ITGBL1: variants seen among roughly 807,000 people sequenced by gnomAD.
The protein encoded by ITGBL1 is integrin subunit beta like 1, also known as integrin beta-like protein 1.
Under a neutral mutation model 68.5 loss-of-function variants are expected in ITGBL1, and 51 were observed. The observed-to-expected ratio is 0.74, with a 90% CI of 0.59 to 0.94. The LOEUF is 0.94. ITGBL1 is among the 40% of genes least tolerant of loss of function. The pLI is 0.00. For missense variants in ITGBL1, 649 were observed against 647.4 expected (o/e 1.00, Z -0.03); for synonymous variants, 209 against 227.3 (o/e 0.92, Z 0.72).
chr13:101,647,142 A>T (rs982701153), intron 7 of ITGBL1, among the ~76,000 whole-genome samples: 23 of 152,324 alleles, frequency 1.5e-4, no homozygotes, highest in African/African-American at 5.3e-4. Context: ...ACTGAAATAT[A>T]TGAAGTCAAT....
chr13:101,471,821 C>T (rs774387120), intron 2 of ITGBL1, among the ~76,000 whole-genome samples: 1 of 151,970 alleles, frequency 6.6e-6, no homozygotes, highest in African/African-American at 2.4e-5. Context: ...GCCACAGGCC[C>T]AAGCCAGATA....
At chr13:101,688,713 A>G (rs140877746) in intron 7 of ITGBL1, among the ~76,000 whole-genome samples, 387 of 152,360 alleles carry the variant, frequency 2.5e-3, no homozygotes, top group African/African-American at 8.8e-3. Context: ...GTCGTGGGAC[A>G]TATTTAATTG....
chr13:101,542,458 G>A (rs1386011047), intron 2 of ITGBL1, among the ~76,000 whole-genome samples: 2 of 152,164 alleles, frequency 1.3e-5, no homozygotes, highest in Non-Finnish European at 2.9e-5. Context: ...CATTTGCTGA[G>A]GAGTGCTTTA....
Position 101,598,318 on chromosome 13 carries a change from G to A in ITGBL1, c.1015+19G>A, listed in dbSNP as rs1158221466. 1.9e-6 allele frequency: 3 copies of A among 1,562,000 alleles called. No individual in the cohort carries two copies. The highest frequency in any genetic ancestry group is 2.7e-5 in the African/African-American group (2 of 73,228). Reference sequence around the variant, plus strand: ...GGGAGGGGTAAGTGAGGTCTCTCAGGGCTTCCCACGGCCTCTCCATCACAA... The same window carrying A: ...GGGAGGGGTAAGTGAGGTCTCTCAGAGCTTCCCACGGCCTCTCCATCACAA... On this transcript the variant is annotated intron_variant, in intron 7 of 10. Coordinates refer to ENST00000376180, the MANE Select transcript of ITGBL1 (RefSeq NM_004791.3).
intron 7 of ITGBL1, among the ~76,000 whole-genome samples, chr13:101,600,472 A>G (rs55670907): frequency 0.02 from 2,984 of 152,234 alleles, 37 homozygotes; most frequent in Non-Finnish European, 0.029. Flanking sequence ...TTCCAACACT[A>G]TGTTGAATAG....
intron 7 of ITGBL1, among the ~76,000 whole-genome samples, chr13:101,681,719 T>G (rs899824451): frequency 3.6e-4 from 55 of 151,976 alleles, no homozygotes; most frequent in African/African-American, 1.3e-3. Flanking sequence ...TGGTTGAGAT[T>G]ATGAAAAAAG....
chr13:101,465,003 A>T (rs1815455467), intron 2 of ITGBL1, among the ~76,000 whole-genome samples: 1 of 152,200 alleles, frequency 6.6e-6, no homozygotes, highest in Non-Finnish European at 1.5e-5. Context: ...TATCTGTTTA[A>T]TGAATGCCAT....
At chr13:101,487,418 AAGTT>A (rs1414123842) in intron 2 of ITGBL1, among the ~76,000 whole-genome samples, 2 of 152,354 alleles carry the variant, frequency 1.3e-5, no homozygotes, top group East Asian at 1.9e-4. Flanking sequence ...TAAAAAAAGA[AAGTT>A]AGGATTCAAA....
chr13:101,648,172 C>A (rs2032625523), intron 7 of ITGBL1, among the ~76,000 whole-genome samples: 1 of 152,144 alleles, frequency 6.6e-6, no homozygotes, highest in East Asian at 1.9e-4. Flanking sequence ...CAGTGTCCTA[C>A]ATTCAATAAA....
intron 7 of ITGBL1, among the ~76,000 whole-genome samples, chr13:101,643,983 G>C (rs560944090): frequency 6.6e-6 from 1 of 152,090 alleles, no homozygotes; most frequent in South Asian, 2.1e-4. Flanking sequence ...TTCAAACTTA[G>C]AGCCAACATC....
intron 6 of ITGBL1, among the ~76,000 whole-genome samples, chr13:101,592,049 G>T (rs1329891076): frequency 2.0e-5 from 3 of 152,120 alleles, no homozygotes; most frequent in African/African-American, 4.8e-5. Flanking sequence ...CTGAAACTCA[G>T]ATGTGGTCAT....
chr13:101,627,735 G>A (rs1216218282), intron 7 of ITGBL1, among the ~76,000 whole-genome samples: 2 of 152,052 alleles, frequency 1.3e-5, no homozygotes, highest in Non-Finnish European at 1.5e-5. Context: ...TTTCACTTAC[G>A]AATATGCACT....
At chr13:101,627,649 C>G (rs9585738) in intron 7 of ITGBL1, among the ~76,000 whole-genome samples, 1 of 151,932 alleles carries the variant, frequency 6.6e-6, no homozygotes, top group Admixed American at 6.6e-5. Flanking sequence ...CTGGCAAGCA[C>G]GGATCTTTTT....
chr13:101,609,154 A>G (rs555647875), intron 7 of ITGBL1, among the ~76,000 whole-genome samples: 1 of 152,176 alleles, frequency 6.6e-6, no homozygotes, highest in East Asian at 1.9e-4. Flanking sequence ...TGCTTTCTTT[A>G]TACTCATTAT....
At chr13:101,596,158 C>T (rs2029953779) in intron 6 of ITGBL1, among the ~76,000 whole-genome samples, 1 of 152,040 alleles carries the variant, frequency 6.6e-6, no homozygotes, top group African/African-American at 2.4e-5. Flanking sequence ...ACCTGGAGGA[C>T]ATTCTGCTAA....
intron 7 of ITGBL1, among the ~76,000 whole-genome samples, chr13:101,637,087 C>T (rs2032194703): frequency 6.6e-6 from 1 of 151,904 alleles, no homozygotes; most frequent in African/African-American, 2.4e-5. Flanking sequence ...TGCGTATCAC[C>T]AAAAATAACA....
Position 101,641,035 on chromosome 13 carries a change from T to C in ITGBL1, c.1015+42736T>C, listed in dbSNP as rs986850463. On this transcript the variant is annotated intron_variant, in intron 7 of 10. Transcript: ENST00000376180. ...GGTTTTGAAATCTGCACTGCAGAAC[T>C]TCATGGGTCTTTTTTTATGCCTATG... Among the ~76,000 whole-genome samples the C allele has an allele frequency of 2.0e-5, 3 of 152,240 alleles. No homozygotes were observed. In the South Asian group the frequency reaches 6.2e-4, roughly 31 times the overall value.
chr13:101,625,893 G>C (rs2031757063), intron 7 of ITGBL1, among the ~76,000 whole-genome samples: 1 of 152,128 alleles, frequency 6.6e-6, no homozygotes, highest in African/African-American at 2.4e-5. Context: ...TGATGCGTTA[G>C]ACACTGTTCT....
In ITGBL1 at chr13:101,528,962, A is replaced by G. The variant is rs533983934; in HGVS notation, c.317-38737A>G. Among the ~76,000 whole-genome samples the G allele has an allele frequency of 2.6e-5, 4 of 152,198 alleles. No individual in the cohort carries two copies. The South Asian group carries it at 6.2e-4, about 24-fold the overall frequency. On this transcript the variant is annotated intron_variant, in intron 2 of 10. Coordinates refer to ENST00000376180, the MANE Select transcript of ITGBL1 (RefSeq NM_004791.3). ...TTTCAAAACTAGCTAAATGACATTAAGAATATAATGCAAAACATGGAATAA... is the reference window on the plus strand; with the variant it reads ...TTTCAAAACTAGCTAAATGACATTAGGAATATAATGCAAAACATGGAATAA...
Sources: gnomAD v4.1 joint callset for allele counts (sites outside exome capture counted in the v4.1 genomes callset) on GRCh38, gnomAD v4.1.1 for gene constraint, MANE v1.5 for transcripts, NCBI Gene and HGNC (gene_info 2026-07-23, HGNC 2026-07-21) for gene names.